ZNF260: variants seen among roughly 807,000 people sequenced by gnomAD.
ZNF260 encodes zinc finger protein 260.
Under a neutral mutation model 29.3 loss-of-function variants are expected in ZNF260, and 21 were observed. The observed-to-expected ratio is 0.72, with a 90% CI of 0.51 to 1.03. The LOEUF (loss-of-function observed/expected upper bound fraction) is 1.03, where lower values mean the gene tolerates loss of function less well. Ranked by LOEUF, ZNF260 falls within the 50% of genes least tolerant of loss-of-function variation. The probability of loss-of-function intolerance (pLI) is 0.00; values close to 1 mark genes in which losing one functional copy is unlikely to be tolerated. For missense variants in ZNF260, 465 were observed against 487.8 expected (o/e 0.95, Z 0.44); for synonymous variants, 156 against 156.8 (o/e 0.99, Z 0.04).
intron 1 of ZNF260, among the ~76,000 whole-genome samples, 179 bp from the exon 2 acceptor site, chr19:36,525,552 C>T (rs181644236): frequency 1.6e-3 from 236 of 152,186 alleles, no homozygotes; most frequent in African/African-American, 5.0e-3. Flanking sequence ...CTTGGGAGGC[C>T]GAGGCAGGCA....
chr19:36,519,718 C>T (rs764163443), intron 2 of ZNF260, among the ~76,000 whole-genome samples: 6 of 152,028 alleles, frequency 3.9e-5, no homozygotes, highest in Non-Finnish European at 7.4e-5. Flanking sequence ...AAAAACCCAA[C>T]ACATAGAAAT....
At chr19:36,521,316 T>A (rs2034641884) in intron 2 of ZNF260, among the ~76,000 whole-genome samples, 1 of 152,214 alleles carries the variant, frequency 6.6e-6, no homozygotes, top group African/African-American at 2.4e-5. Flanking sequence ...TTACATCTCC[T>A]TTGTAATTAA....
In ZNF260 at chr19:36,514,091, G is replaced by C. The variant is rs367862666; in HGVS notation, c.1148C>G (p.Thr383Ser). ...ACTACACTGATAAGGTTTTTCACCA[G>C]TATGGATTCTCATGTGCAGAGCAAG... ...STLALHMRIH[T>S]GEKPYQCSEC... Residue 383 changes from threonine (T) to serine (S), a missense_variant, in exon 3 of 3, where the codon ACT (threonine) becomes AGT (serine). Physicochemically the swap from Thr to Ser is moderately conservative, Grantham distance 58. Coordinates refer to ENST00000523638, the MANE Select transcript of ZNF260 (RefSeq NM_001166037.2). 3 of 1,614,068 alleles carry C rather than the reference G, an allele frequency of 1.9e-6. No homozygotes were observed. Among genetic ancestry groups the C allele is most frequent in the Non-Finnish European group, 2.5e-6 (3 of 1,179,984 alleles).
intron 2 of ZNF260, among the ~76,000 whole-genome samples, chr19:36,523,943 T>A (rs937662971): frequency 1.3e-5 from 2 of 152,062 alleles, no homozygotes; most frequent in African/African-American, 4.8e-5. Context: ...TCCCTAAGCC[T>A]GTAATATTGT....
At position 36,521,097 on chromosome 19, in the gene ZNF260, A is replaced by C. The variant is rs572066458; in HGVS notation, c.-462+4058T>G. ...CCTTGTCTCAAAAAAAAAAAAAAGA[A>C]AGAAAGAAGGAAAAAATAGAGCTCT... is the stretch of plus-strand genomic sequence containing the variant. On this transcript the variant is annotated intron_variant, in intron 2 of 2. Transcript: ENST00000523638. Among the ~76,000 whole-genome samples, 34 of 151,664 alleles carry C rather than the reference A, an allele frequency of 2.2e-4. No homozygotes were observed. The South Asian group carries it at 2.7e-3, about 12-fold the overall frequency.
intron 2 of ZNF260, among the ~76,000 whole-genome samples, chr19:36,523,723 G>A (rs148991635): frequency 0.28 from 41,706 of 151,326 alleles, 6,266 homozygotes; most frequent in Non-Finnish European, 0.35. Context: ...GATTACAGGC[G>A]TGTGCCACCT....
chr19:36,514,902 A>G lies in ZNF260; in HGVS notation c.337T>C (p.Cys113Arg), dbSNP rs139189927. The G allele has an allele frequency of 1.9e-6, 3 of 1,613,956 alleles. No homozygotes were observed. Among genetic ancestry groups the G allele is most frequent in the Non-Finnish European group, 2.5e-6 (3 of 1,180,014 alleles). Residue 113 changes from cysteine to arginine, a missense_variant, in exon 3 of 3, where the codon TGT (cysteine) becomes CGT (arginine). Coordinates refer to ENST00000523638, the MANE Select transcript of ZNF260 (RefSeq NM_001166037.2). ...GGCATCTGAATAGAAACTTTTTCAC[A>G]TTCATAAGGTTTCTCTCCAGTGTGA... ...KHHTGEKPYE[C>R]EKVSIQMPTI...
At chr19:36,516,704 G>A (rs2034556786) in intron 2 of ZNF260, among the ~76,000 whole-genome samples, 1 of 152,116 alleles carries the variant, frequency 6.6e-6, no homozygotes, top group African/African-American at 2.4e-5. Context: ...TCAGCTTACT[G>A]AGCAGCTGGG....
intron 2 of ZNF260, among the ~76,000 whole-genome samples, chr19:36,520,299 T>C (rs1252919830): frequency 6.7e-6 from 1 of 148,208 alleles, no homozygotes; most frequent in Non-Finnish European, 1.5e-5. Flanking sequence ...AAAAGAGAAA[T>C]AATAAATTCA....
At position 36,514,556 on chromosome 19, in the gene ZNF260, G is replaced by A; in HGVS notation, c.683C>T (p.Ala228Val). ...AATGAGGCTTGACTTCTGAATGAAA[G>A]CTTTCCCACACCCTTTACATTCATA... ...KPYECKGCGKAFIQKSSLIRH... is the reference protein window; with the variant it reads ...KPYECKGCGKVFIQKSSLIRH... The change falls in exon 3 of 3, where the codon GCT becomes GTT. Residue 228 changes from alanine (A) to valine (V), a missense_variant. By Grantham distance (64) the Ala-to-Val change is moderately conservative. Coordinates refer to ENST00000523638, the MANE Select transcript of ZNF260 (RefSeq NM_001166037.2). The A allele has an allele frequency of 1.2e-6, 2 of 1,614,006 alleles. No homozygotes were observed. Among genetic ancestry groups the A allele is most frequent in the Non-Finnish European group, 1.7e-6 (2 of 1,179,996 alleles).
intron 2 of ZNF260, among the ~76,000 whole-genome samples, chr19:36,523,577 CTTTTTTT>C (rs765534834): frequency 1.8e-4 from 24 of 134,900 alleles, no homozygotes; most frequent in Non-Finnish European, 3.1e-4. Context: ...AGTATTATTT[CTTTTTTT>C]TTTTTTTTTT....
intron 2 of ZNF260, among the ~76,000 whole-genome samples, chr19:36,519,853 A>T (rs906059286): frequency 6.6e-6 from 1 of 152,178 alleles, no homozygotes; most frequent in African/African-American, 2.4e-5. Flanking sequence ...ACATCATTTT[A>T]AAAAAAGTAA....
At chr19:36,521,023 G>C (rs553576087) in intron 2 of ZNF260, among the ~76,000 whole-genome samples, 1 of 151,208 alleles carries the variant, frequency 6.6e-6, no homozygotes, top group Admixed American at 6.6e-5. Context: ...CAAGGCTGCA[G>C]TGAGCTGTGA....
Position 36,515,047 on chromosome 19 carries a change from G to C in ZNF260, c.192C>G (p.Cys64Trp). Residue 64 changes from cysteine (C) to tryptophan (W), a missense_variant, in exon 3 of 3, where the codon TGC becomes TGG. Cys to Trp is a radical substitution (Grantham distance 215). Coordinates refer to ENST00000523638, the MANE Select transcript of ZNF260 (RefSeq NM_001166037.2). ...SHECTECGKVCSRVSSLTLHL... is the reference protein window; with the variant it reads ...SHECTECGKVWSRVSSLTLHL... ...GTAGAGTAAGAGATGAGACTCGAGA[G>C]CACACTTTACCACATTCAGTGCATT... The C allele has an allele frequency of 6.2e-7, 1 of 1,614,052 alleles. No individual in the cohort carries two copies. The highest frequency in any genetic ancestry group is 1.1e-5 in the South Asian group (1 of 91,070).
At chr19:36,518,759 A>G (rs185678963) in intron 2 of ZNF260, among the ~76,000 whole-genome samples, 40 of 152,344 alleles carry the variant, frequency 2.6e-4, no homozygotes, top group African/African-American at 9.4e-4. Flanking sequence ...TTGAGTACAA[A>G]GAACATTCCA....
chr19:36,513,609 T>C lies in ZNF260; in HGVS notation c.*391A>G, dbSNP rs1365884261. 4 of 409,192 alleles carry C rather than the reference T, an allele frequency of 9.8e-6. No individual in the cohort carries two copies. Among genetic ancestry groups the C allele is most frequent in the Non-Finnish European group, 1.7e-5 (4 of 231,062 alleles). 25.3% of individuals were successfully genotyped at this position (409,192 alleles called of 1,614,324 possible). A position where few individuals can be genotyped will look rare whatever the true frequency, so the allele number is the denominator to read the frequency against. ...CTTCAACAACAAATAATTTTGATGA[T>C]TCTAGTTTTACAATTCATATATGTA... On this transcript the variant is annotated 3_prime_UTR_variant, in exon 3 of 3. Coordinates refer to ENST00000523638, the MANE Select transcript of ZNF260 (RefSeq NM_001166037.2).
intron 2 of ZNF260, among the ~76,000 whole-genome samples, chr19:36,518,749 T>C (rs1301657231): frequency 6.6e-6 from 1 of 152,156 alleles, no homozygotes; most frequent in Non-Finnish European, 1.5e-5. Context: ...AGCAGGCCCA[T>C]TGAGTACAAA....
rs752081855 is a variant in ZNF260 at position 36,514,517 on chromosome 19, C to A, written c.722G>T (p.Ser241Ile). 6 of 1,613,170 alleles carry A rather than the reference C, an allele frequency of 3.7e-6. No homozygotes were observed. The change falls in exon 3 of 3, where the codon AGT becomes ATT. Residue 241 changes from serine to isoleucine, a missense_variant. Physicochemically the swap from Ser to Ile is moderately radical, Grantham distance 142. Coordinates refer to ENST00000523638, the MANE Select transcript of ZNF260 (RefSeq NM_001166037.2). ...CGTATAAGGTTTCTCTCCTGTGTGA[C>A]TTCTCTGGTGTCTAATGAGGCTTGA... Reference protein sequence around the residue: ...QKSSLIRHQRSHTGEKPYTCK... With the variant: ...QKSSLIRHQRIHTGEKPYTCK...
At chr19:36,527,253 GA>G (rs1303001010) in intron 1 of ZNF260, among the ~76,000 whole-genome samples, 1 of 152,200 alleles carries the variant, frequency 6.6e-6, no homozygotes, top group Non-Finnish European at 1.5e-5. Flanking sequence ...ATAGTTAGGG[GA>G]AAAGCAGAAA....
Sources: gnomAD v4.1 joint callset for allele counts (sites outside exome capture counted in the v4.1 genomes callset) on GRCh38, gnomAD v4.1.1 for gene constraint, MANE v1.5 for transcripts, NCBI Gene and HGNC (gene_info 2026-07-23, HGNC 2026-07-21) for gene names.